The following TMEM132D variants were observed in gnomAD, a reference collection of about 807,000 sequenced individuals.
TMEM132D encodes the protein mature OL transmembrane protein.
A neutral mutation model predicts 62.3 loss-of-function variants in TMEM132D; 21 were observed. The ratio of observed to expected loss-of-function variants is 0.34; its 90% CI spans 0.24 to 0.49. The LOEUF (loss-of-function observed/expected upper bound fraction) is 0.49, where lower values mean the gene tolerates loss of function less well. Among genes scored for constraint, TMEM132D ranks in the 20% least tolerant of loss-of-function variants. The pLI, the probability that TMEM132D is intolerant of heterozygous loss-of-function variation, is 0.99. For synonymous variants in TMEM132D, 621 were observed against 575.6 expected, an observed-to-expected ratio of 1.08 and a Z score of -1.13; for missense variants, 1,346 against 1,402.8, an observed-to-expected ratio of 0.96 and a Z score of 0.65.
chr12:129,783,838 G>C (rs1247599319), intron 1 of TMEM132D, among the ~76,000 whole-genome samples: 1 of 152,218 alleles, frequency 6.6e-6, no homozygotes, highest in East Asian at 1.9e-4. Flanking sequence ...TACGAGCAAA[G>C]ATCACTTCTG....
intron 3 of TMEM132D, among the ~76,000 whole-genome samples, chr12:129,447,449 A>T (rs1873131627): frequency 6.6e-6 from 1 of 152,236 alleles, no homozygotes; most frequent in Non-Finnish European, 1.5e-5. Flanking sequence ...ATAAGAAAAT[A>T]AAGTGATGTT....
chr12:129,796,361 A>G (rs1322040284), intron 1 of TMEM132D, among the ~76,000 whole-genome samples: 1 of 152,134 alleles, frequency 6.6e-6, no homozygotes, highest in African/African-American at 2.4e-5. Flanking sequence ...TACGGATACC[A>G]TTTACTGCTT....
intron 1 of TMEM132D, among the ~76,000 whole-genome samples, chr12:129,800,797 G>T (rs961628858): frequency 2.6e-5 from 4 of 152,048 alleles, no homozygotes; most frequent in African/African-American, 9.7e-5. Context: ...ATTTCCATCT[G>T]AGGTACCGGG....
rs1870583578 is a variant in TMEM132D at position 129,371,076 on chromosome 12, T to C, written c.1116-33259A>G. Reference sequence around the variant, plus strand: ...AAAAACAGATAAATATTTGATGTGATAGACCCAATTACCTTGATTCGATCA... The same window carrying C: ...AAAAACAGATAAATATTTGATGTGACAGACCCAATTACCTTGATTCGATCA... On this transcript the variant is annotated intron_variant, in intron 3 of 8. Coordinates refer to ENST00000422113, the MANE Select transcript of TMEM132D (RefSeq NM_133448.3). This position sits in a 1 kb window ranked among gnomAD's most constrained non-coding sequence, Gnocchi z 4.3. Among the ~76,000 whole-genome samples, 1 of 152,228 alleles carries C rather than the reference T, an allele frequency of 6.6e-6. No homozygotes were observed. Among genetic ancestry groups the C allele is most frequent in the Admixed American group, 6.5e-5 (1 of 15,288 alleles).
At chr12:129,755,830 G>A (rs1389393549) in intron 1 of TMEM132D, among the ~76,000 whole-genome samples, 3 of 152,120 alleles carry the variant, frequency 2.0e-5, no homozygotes, top group Non-Finnish European at 4.4e-5. Context: ...TTTCACCAAT[G>A]CCCCATCTAT....
At chr12:129,466,414 C>T (rs1007734868) in intron 3 of TMEM132D, among the ~76,000 whole-genome samples, 1 of 150,970 alleles carries the variant, frequency 6.6e-6, no homozygotes, top group Admixed American at 6.6e-5. Context: ...TGGGCTAAAG[C>T]AATCCTCCCC....
At chr12:129,877,542 G>A (rs1283555644) in intron 1 of TMEM132D, among the ~76,000 whole-genome samples, 3 of 152,076 alleles carry the variant, frequency 2.0e-5, no homozygotes, top group Admixed American at 6.5e-5. Context: ...AACAGACATG[G>A]GTCAGAACAG....
intron 2 of TMEM132D, among the ~76,000 whole-genome samples, chr12:129,660,643 C>A (rs1427559796): frequency 3.9e-5 from 6 of 152,070 alleles, no homozygotes; most frequent in African/African-American, 7.2e-5. Context: ...ATGTAAAAAA[C>A]GGGGTGTCAG....
At chr12:129,317,086 C>G (rs1868511646) in intron 4 of TMEM132D, among the ~76,000 whole-genome samples, 5 of 152,054 alleles carry the variant, frequency 3.3e-5, no homozygotes, top group Admixed American at 2.6e-4. Flanking sequence ...CTTATGTATT[C>G]TGTGGTTTTT....
chr12:129,414,267 C>T (rs768401289), intron 3 of TMEM132D, among the ~76,000 whole-genome samples: 10 of 152,142 alleles, frequency 6.6e-5, no homozygotes, highest in Admixed American at 2.0e-4. Flanking sequence ...ATGAATCTTC[C>T]GGCTCATTAT....
rs143028369 is a variant in TMEM132D, at chr12:129,766,298, C to A, written c.80-65600G>T. ...CTCACTAGAATCCATTCCCTCCCCA[C>A]AATAAAATGGTAAAGCCTTTTCAGG... On this transcript the variant is annotated intron_variant, in intron 1 of 8. Transcript: ENST00000422113. Among the ~76,000 whole-genome samples, 565 of 152,298 alleles carry A rather than the reference C, an allele frequency of 3.7e-3. 3 individuals are homozygous for A. Among genetic ancestry groups the A allele is most frequent in the African/African-American group, 0.013 (550 of 41,558 alleles).
chr12:129,792,987 T>C (rs1871445144), intron 1 of TMEM132D, among the ~76,000 whole-genome samples: 1 of 152,214 alleles, frequency 6.6e-6, no homozygotes, highest in Non-Finnish European at 1.5e-5. Flanking sequence ...GATTAGACGA[T>C]ATTATGTGCA....
intron 3 of TMEM132D, among the ~76,000 whole-genome samples, chr12:129,459,258 T>C (rs1307870302): frequency 3.3e-5 from 5 of 152,208 alleles, no homozygotes; most frequent in Non-Finnish European, 7.3e-5. Context: ...AGTGAAAATA[T>C]CAAGAAAGCA....
intron 1 of TMEM132D, among the ~76,000 whole-genome samples, chr12:129,881,028 G>GTT (rs761319878): frequency 6.6e-6 from 1 of 151,638 alleles, no homozygotes; most frequent in Non-Finnish European, 1.5e-5. Flanking sequence ...AAAGGATAGG[G>GTT]AAAATACACC....
intron 4 of TMEM132D, among the ~76,000 whole-genome samples, chr12:129,293,162 T>C (rs766489449): frequency 2.6e-5 from 4 of 152,084 alleles, no homozygotes; most frequent in Non-Finnish European, 4.4e-5. Context: ...ACGGAGGCAG[T>C]GCAAGCATCC....
At chr12:129,362,250 G>T (rs1231306454) in intron 3 of TMEM132D, among the ~76,000 whole-genome samples, 5 of 152,032 alleles carry the variant, frequency 3.3e-5, no homozygotes, top group Non-Finnish European at 7.4e-5. Flanking sequence ...ACTTTAAATG[G>T]TCTTTCATGG....
intron 5 of TMEM132D, among the ~76,000 whole-genome samples, chr12:129,174,235 C>A (rs561599044): frequency 2.0e-5 from 3 of 152,178 alleles, no homozygotes; most frequent in East Asian, 1.9e-4. Flanking sequence ...CCTTGCCCCC[C>A]ACCCCTCAAC....
At position 129,903,111 on chromosome 12, in the gene TMEM132D, TCA is replaced by T; in HGVS notation, c.79+148_79+149del. 1.2e-6 allele frequency: 1 copy of T among 864,646 alleles called. No individual in the cohort carries two copies. The highest frequency in any genetic ancestry group is 1.8e-6 in the Non-Finnish European group (1 of 558,384). The allele number at this position is 864,646 out of a possible 1,614,324, so 53.6% of individuals were successfully genotyped here. A position where few individuals can be genotyped will look rare whatever the true frequency, so the allele number is the denominator to read the frequency against. On this transcript the variant is annotated intron_variant, in intron 1 of 8. Coordinates refer to ENST00000422113, the MANE Select transcript of TMEM132D (RefSeq NM_133448.3). This position sits in a 1 kb window ranked among gnomAD's most constrained non-coding sequence, Gnocchi z 6.2. ...GCTTGGCTGCCGCACGAGCGCACGT[TCA>T]CACGCGCGCACACACACATGCACAC... is the stretch of plus-strand genomic sequence containing the variant.
chr12:129,703,267 G>T (rs1479012467), intron 1 of TMEM132D, among the ~76,000 whole-genome samples: 3 of 152,146 alleles, frequency 2.0e-5, no homozygotes, highest in Admixed American at 6.5e-5. Context: ...ACCTTCCAAG[G>T]GCAATGACAT....
Sources: gnomAD v4.1 joint callset for allele counts (sites outside exome capture counted in the v4.1 genomes callset) on GRCh38, gnomAD v4.1.1 for gene constraint, Gnocchi (gnomAD v3.1) non-coding constraint, MANE v1.5 for transcripts, NCBI Gene and HGNC (gene_info 2026-07-23, HGNC 2026-07-21) for gene names.